CAMSAP1: variants seen among roughly 807,000 people sequenced by gnomAD.
CAMSAP1 encodes the protein calmodulin regulated spectrin associated protein 1.
Under a neutral mutation model 143.5 loss-of-function variants are expected in CAMSAP1, and 58 were observed. That is an observed-to-expected ratio of 0.40 (90% CI 0.33 to 0.50). CAMSAP1 has a LOEUF of 0.50. Ranked by LOEUF, CAMSAP1 falls within the 20% of genes least tolerant of loss-of-function variation. CAMSAP1 has a pLI of 0.45. For synonymous variants in CAMSAP1, 945 were observed against 859.3 expected, an observed-to-expected ratio of 1.10 and a Z score of -1.74; for missense variants, 1,969 against 2,115.7, an observed-to-expected ratio of 0.93 and a Z score of 1.36.
At position 135,907,454 on chromosome 9, in the gene CAMSAP1, G is replaced by A. The variant is rs1838823400; in HGVS notation, c.-295C>T. On this transcript the variant is annotated 5_prime_UTR_variant, in exon 1 of 17. Coordinates refer to ENST00000389532, the MANE Select transcript of CAMSAP1 (RefSeq NM_015447.4). ...GGGGCGGGCGCGGGGGCGGGAGCGGGCCGGGGGCGGTGGCAGCGCGTGCGC... is the reference window on the plus strand; with the variant it reads ...GGGGCGGGCGCGGGGGCGGGAGCGGACCGGGGGCGGTGGCAGCGCGTGCGC... Among the ~76,000 whole-genome samples, 1 of 146,168 alleles carries A rather than the reference G, an allele frequency of 6.8e-6. No individual in the cohort carries two copies. Among genetic ancestry groups the A allele is most frequent in the African/African-American group, 2.5e-5 (1 of 40,668 alleles).
At chr9:135,852,192 T>TA (rs1468044335) in intron 5 of CAMSAP1, among the ~76,000 whole-genome samples, 3 of 152,214 alleles carry the variant, frequency 2.0e-5, no homozygotes, top group African/African-American at 7.2e-5. Flanking sequence ...ATCTTTTTCT[T>TA]ACCGATTCTA....
chr9:135,905,094 T>C (rs1451618667), intron 1 of CAMSAP1, among the ~76,000 whole-genome samples: 1 of 152,262 alleles, frequency 6.6e-6, no homozygotes, highest in Non-Finnish European at 1.5e-5. Context: ...CTCCAGCTCC[T>C]GTTCATGTTT....
At chr9:135,862,736 A>C (rs2039330) in intron 4 of CAMSAP1, 128 bp from the exon 5 acceptor site, 940,567 of 951,364 alleles carry the variant, frequency 0.99, 464,964 homozygotes, top group East Asian at 1. Flanking sequence ...CAATTGCAAT[A>C]ATCTAGAAAG....
chr9:135,874,465 C>G (rs1035207377), intron 3 of CAMSAP1, among the ~76,000 whole-genome samples: 1 of 117,212 alleles, frequency 8.5e-6, no homozygotes, highest in African/African-American at 3.3e-5. Context: ...AGGGTGAGAC[C>G]CTGTCTCAAA....
chr9:135,906,949 G>C, intron 1 of CAMSAP1, 51 bp downstream of exon 1: 72 of 838,988 alleles, frequency 8.6e-5, no homozygotes, highest in Non-Finnish European at 1.0e-4. Flanking sequence ...CGCGTCCCCC[G>C]GCCCCGGCCC....
At chr9:135,880,586 T>G (rs1389847019) in intron 3 of CAMSAP1, among the ~76,000 whole-genome samples, 1 of 152,118 alleles carries the variant, frequency 6.6e-6, no homozygotes, top group Admixed American at 6.5e-5. Flanking sequence ...GTCTGCCAAC[T>G]CCTGACAAAG....
chr9:135,841,436 A>C (rs956248237), intron 7 of CAMSAP1, among the ~76,000 whole-genome samples: 4 of 152,188 alleles, frequency 2.6e-5, no homozygotes, highest in Admixed American at 2.6e-4. Flanking sequence ...CAGCAGACTT[A>C]AACATCACCG....
chr9:135,907,160 C>T lies in CAMSAP1; in HGVS notation c.-1G>A. 9.1e-7 allele frequency: 1 copy of T among 1,097,492 alleles called. No individual in the cohort carries two copies. The highest frequency in any genetic ancestry group is 1.1e-6 in the Non-Finnish European group (1 of 900,766). 68.0% of individuals were successfully genotyped at this position (1,097,492 alleles called of 1,614,324 possible). A position where few individuals can be genotyped will look rare whatever the true frequency, so the allele number is the denominator to read the frequency against. ...CGGCGCGGCCGCTCGCGTCCACCAT[C>T]TGCAGACAAAGGGCTGAGGCGGCGG... is the stretch of plus-strand genomic sequence containing the variant. On this transcript the variant is annotated 5_prime_UTR_variant, in exon 1 of 17. Coordinates refer to ENST00000389532, the MANE Select transcript of CAMSAP1 (RefSeq NM_015447.4).
At chr9:135,817,463 C>T (rs1835270965) in intron 14 of CAMSAP1, among the ~76,000 whole-genome samples, 1 of 152,032 alleles carries the variant, frequency 6.6e-6, no homozygotes. Context: ...CTGAGCACAG[C>T]TCACTGCAGC....
chr9:135,897,044 T>C (rs572064410), intron 1 of CAMSAP1, among the ~76,000 whole-genome samples: 1 of 152,250 alleles, frequency 6.6e-6, no homozygotes, highest in African/African-American at 2.4e-5. Context: ...CATTTATAAA[T>C]TACTCAAAAG....
At chr9:135,899,317 G>A (rs13293817) in intron 1 of CAMSAP1, among the ~76,000 whole-genome samples, 2,308 of 151,744 alleles carry the variant, frequency 0.015, 35 homozygotes, top group African/African-American at 0.031. Flanking sequence ...GGCCGGGCGC[G>A]GTGGCTCACA....
Position 135,862,269 on chromosome 9 carries a change from T to C in CAMSAP1, c.808+198A>G, listed in dbSNP as rs528236391. ...ACCCAGCTAATTTCAAAGTGCAGTT[T>C]TGTCATCAGATAAAATGCAGGTTAA... is the stretch of plus-strand genomic sequence containing the variant. On this transcript the variant is annotated intron_variant, in intron 5 of 16. Coordinates refer to ENST00000389532, the MANE Select transcript of CAMSAP1 (RefSeq NM_015447.4). Among the ~76,000 whole-genome samples the C allele has an allele frequency of 2.6e-5, 4 of 152,094 alleles. No individual in the cohort carries two copies. The South Asian group carries it at 8.3e-4, about 32-fold the overall frequency.
At position 135,822,558 on chromosome 9, in the gene CAMSAP1, G is replaced by A. The variant is rs776181436; in HGVS notation, c.2103C>T (p.Phe701=). The change falls in exon 11 of 17, where the codon TTC becomes TTT. Residue 701 remains phenylalanine (F), a synonymous_variant. Transcript: ENST00000389532. The surrounding 1 kb of genome is among the most constrained non-coding windows in gnomAD (Gnocchi z 6.1). ...CTTCATCGGCCCTGCCTACATGAAG[G>A]AAGAAGCCATCCGTGGATGGTCCCT... is the stretch of plus-strand genomic sequence containing the variant. ...FPQGPSTDGF[F]LHVGRADEDT... The A allele has an allele frequency of 6.2e-7, 1 of 1,613,746 alleles. No individual in the cohort carries two copies. Among genetic ancestry groups the A allele is most frequent in the South Asian group, 1.1e-5 (1 of 91,056 alleles).
At chr9:135,853,336 G>C (rs1836842960) in intron 5 of CAMSAP1, among the ~76,000 whole-genome samples, 2 of 152,218 alleles carry the variant, frequency 1.3e-5, no homozygotes, top group Non-Finnish European at 2.9e-5. Context: ...CTGGGTAGTT[G>C]AGCGAGTCAG....
intron 5 of CAMSAP1, among the ~76,000 whole-genome samples, chr9:135,857,901 G>A (rs1306453597): frequency 1.3e-5 from 2 of 152,184 alleles, no homozygotes; most frequent in Non-Finnish European, 2.9e-5. Flanking sequence ...ACCTGCACCT[G>A]GGGTCTGAGG....
chr9:135,849,865 T>TTTTCAG, intron 7 of CAMSAP1: 1 of 298,854 alleles, frequency 3.3e-6, no homozygotes. Context: ...CATTTTTTTT[T>TTTTCAG]TTTCAGTTTG....
At chr9:135,865,831 G>A (rs1322917184) in intron 4 of CAMSAP1, among the ~76,000 whole-genome samples, 1 of 152,200 alleles carries the variant, frequency 6.6e-6, no homozygotes, top group Non-Finnish European at 1.5e-5. Context: ...GGGGAAGAAG[G>A]AACAGGGGAA....
intron 5 of CAMSAP1, among the ~76,000 whole-genome samples, chr9:135,861,937 G>C (rs1179172180): frequency 6.6e-6 from 1 of 152,208 alleles, no homozygotes; most frequent in Non-Finnish European, 1.5e-5. Context: ...ACTGTCATCG[G>C]AACGTCCCCA....
At position 135,878,919 on chromosome 9, in the gene CAMSAP1, G is replaced by A. The variant is rs541867474; in HGVS notation, c.585+2714C>T. On this transcript the variant is annotated intron_variant, in intron 3 of 16. Coordinates refer to ENST00000389532, the MANE Select transcript of CAMSAP1 (RefSeq NM_015447.4). Reference sequence around the variant, plus strand: ...AACACTGAATACAAATGTAAATAATGCATGAGAAAAAAGAAAAGGTCATGA... The same window carrying A: ...AACACTGAATACAAATGTAAATAATACATGAGAAAAAAGAAAAGGTCATGA... Among the ~76,000 whole-genome samples, 6 of 152,210 alleles carry A rather than the reference G, an allele frequency of 3.9e-5. No individual in the cohort carries two copies. In the South Asian group the frequency reaches 1.2e-3, roughly 32 times the overall value.
Sources: gnomAD v4.1 joint callset for allele counts (sites outside exome capture counted in the v4.1 genomes callset) on GRCh38, gnomAD v4.1.1 for gene constraint, Gnocchi (gnomAD v3.1) non-coding constraint, MANE v1.5 for transcripts, NCBI Gene and HGNC (gene_info 2026-07-23, HGNC 2026-07-21) for gene names.